The following MNAT1 variants were observed in gnomAD, a reference collection of about 807,000 sequenced individuals.
MNAT1 encodes MNAT1 component of CDK activating kinase, also known as CDK-activating kinase assembly factor MAT1.
Under a neutral mutation model 42.0 loss-of-function variants are expected in MNAT1, and 43 were observed. The ratio of observed to expected loss-of-function variants is 1.02; its 90% CI spans 0.80 to 1.32. The LOEUF is 1.32. Ranked by LOEUF, MNAT1 falls within the 40% of genes most tolerant of loss-of-function variation. The probability of loss-of-function intolerance (pLI) is 0.00; values close to 1 mark genes in which losing one functional copy is unlikely to be tolerated. For missense variants in MNAT1, 306 were observed against 350.4 expected, an observed-to-expected ratio of 0.87 and a Z score of 1.01; for synonymous variants, 118 against 120.0, an observed-to-expected ratio of 0.98 and a Z score of 0.11.
chr14:60,871,617 A>C (rs566878951), intron 6 of MNAT1, among the ~76,000 whole-genome samples: 1 of 151,340 alleles, frequency 6.6e-6, no homozygotes, highest in East Asian at 1.9e-4. Flanking sequence ...TTTATTAGTC[A>C]ATTCTAGGAT....
At chr14:60,963,836 A>C (rs1458518076) in intron 7 of MNAT1, among the ~76,000 whole-genome samples, 1 of 152,210 alleles carries the variant, frequency 6.6e-6, no homozygotes, top group East Asian at 1.9e-4. Flanking sequence ...GGAAACTAAT[A>C]TGAACTTTAC....
chr14:60,797,976 C>A, intron 2 of MNAT1, 111 bp from the exon 3 acceptor site: 1 of 566,074 alleles, frequency 1.8e-6, no homozygotes, highest in Non-Finnish European at 3.2e-6. Flanking sequence ...ACACAGTAAG[C>A]AATTCTTTTC....
intron 7 of MNAT1, among the ~76,000 whole-genome samples, chr14:60,944,212 G>C (rs969712213): frequency 6.6e-6 from 1 of 152,192 alleles, no homozygotes; most frequent in Admixed American, 6.5e-5. Flanking sequence ...TTACCCTGAA[G>C]AAAATGACAA....
intron 7 of MNAT1, among the ~76,000 whole-genome samples, chr14:60,892,580 T>A (rs2034869399): frequency 6.6e-6 from 1 of 152,152 alleles, no homozygotes; most frequent in Admixed American, 6.6e-5. Context: ...TTGGAGGGTT[T>A]AATTAAGCCA....
chr14:60,819,002 A>G (rs557176610), intron 6 of MNAT1, 155 bp downstream of exon 6: 1 of 750,596 alleles, frequency 1.3e-6, no homozygotes, highest in Non-Finnish European at 2.0e-6. Context: ...TGGGTGCAGT[A>G]TGAGGAAAGT....
intron 7 of MNAT1, among the ~76,000 whole-genome samples, chr14:60,913,078 ATCTTCCACCGCTGATACCCTT>A (rs1417210278): frequency 6.6e-6 from 1 of 151,822 alleles, no homozygotes; most frequent in Admixed American, 6.6e-5. Flanking sequence ...CATTCATTTC[ATCTTCCACCGCTGATACCCTT>A]TCTTCCAGTT....
At chr14:60,788,876 A>G (rs1032354665) in intron 1 of MNAT1, among the ~76,000 whole-genome samples, 2 of 152,186 alleles carry the variant, frequency 1.3e-5, no homozygotes, top group Admixed American at 1.3e-4. Context: ...TATCCAGACC[A>G]CTGAAACTTT....
chr14:60,856,510 T>C (rs964002588), intron 6 of MNAT1, among the ~76,000 whole-genome samples: 1 of 152,166 alleles, frequency 6.6e-6, no homozygotes, highest in Non-Finnish European at 1.5e-5. Flanking sequence ...AACAACATAT[T>C]TTTCAGTGTA....
chr14:60,891,030 GTTC>G (rs748366659), intron 7 of MNAT1, among the ~76,000 whole-genome samples: 2 of 152,182 alleles, frequency 1.3e-5, no homozygotes, highest in Non-Finnish European at 2.9e-5. Flanking sequence ...ATTGGTGATA[GTTC>G]TTCTTTAAAT....
At chr14:60,800,417 G>A (rs966803920) in intron 3 of MNAT1, among the ~76,000 whole-genome samples, 4 of 152,116 alleles carry the variant, frequency 2.6e-5, no homozygotes, top group Non-Finnish European at 4.4e-5. Flanking sequence ...AGTGGCACAC[G>A]TTTGTAGTCC....
At chr14:60,785,975 C>T (rs2031637229) in intron 1 of MNAT1, among the ~76,000 whole-genome samples, 2 of 151,928 alleles carry the variant, frequency 1.3e-5, no homozygotes, top group South Asian at 4.1e-4. Context: ...TATATTTTTT[C>T]ATGGCCTCTT....
At chr14:60,819,474 CTAAA>C (rs2032815438) in intron 6 of MNAT1, among the ~76,000 whole-genome samples, 1 of 151,470 alleles carries the variant, frequency 6.6e-6, no homozygotes, top group Non-Finnish European at 1.5e-5. Context: ...TGTAGCCACT[CTAAA>C]TATGTAGCAT....
chr14:60,929,654 C>G (rs750594921), intron 7 of MNAT1, among the ~76,000 whole-genome samples: 22 of 152,024 alleles, frequency 1.4e-4, no homozygotes, highest in Non-Finnish European at 7.4e-5. Context: ...GTTTTCTTGA[C>G]CTGGGGAATA....
At chr14:60,844,700 T>C (rs1219139247) in intron 6 of MNAT1, among the ~76,000 whole-genome samples, 1 of 152,064 alleles carries the variant, frequency 6.6e-6, no homozygotes, top group Non-Finnish European at 1.5e-5. Flanking sequence ...CAGTGCCTTA[T>C]TCCCCACCTA....
At chr14:60,848,597 G>A (rs1363338277) in intron 6 of MNAT1, among the ~76,000 whole-genome samples, 2 of 152,052 alleles carry the variant, frequency 1.3e-5, no homozygotes, top group Non-Finnish European at 2.9e-5. Context: ...TGGTGATACC[G>A]TGTTAATTTT....
At chr14:60,899,618 C>T (rs886326206) in intron 7 of MNAT1, among the ~76,000 whole-genome samples, 1 of 152,024 alleles carries the variant, frequency 6.6e-6, no homozygotes, top group Non-Finnish European at 1.5e-5. Context: ...TCTTGTGTGG[C>T]CATAGACTGC....
intron 7 of MNAT1, among the ~76,000 whole-genome samples, chr14:60,898,021 G>A (rs2034993550): frequency 6.6e-6 from 1 of 151,706 alleles, no homozygotes; most frequent in Non-Finnish European, 1.5e-5. Context: ...TACTTAACCT[G>A]ATGAACTCCA....
chr14:60,870,143 A>G (rs2034297228), intron 6 of MNAT1, among the ~76,000 whole-genome samples: 1 of 152,200 alleles, frequency 6.6e-6, no homozygotes, highest in Non-Finnish European at 1.5e-5. Context: ...ATGTTGCTCT[A>G]TATGGAAATG....
intron 1 of MNAT1, among the ~76,000 whole-genome samples, chr14:60,766,605 G>A (rs943589268): frequency 1.3e-5 from 2 of 151,526 alleles, no homozygotes; most frequent in South Asian, 2.1e-4. Context: ...CCAGCTACTC[G>A]GGAGGCTGAG....
Sources: allele counts gnomAD v4.1 joint callset (sites outside exome capture counted in the v4.1 genomes callset), GRCh38; gene constraint gnomAD v4.1.1; transcripts MANE v1.5; gene names NCBI Gene and HGNC (gene_info 2026-07-23, HGNC 2026-07-21).